The following AP3S2 variants were observed in gnomAD, a reference collection of about 807,000 sequenced individuals.
The protein encoded by AP3S2 is AP-3 complex subunit sigma-2.
In AP3S2, 22 loss-of-function variants were observed where a neutral mutation model predicts 23.4. The ratio of observed to expected loss-of-function variants is 0.94; its 90% CI spans 0.67 to 1.34. The LOEUF (loss-of-function observed/expected upper bound fraction) is 1.34. Among genes scored for constraint, AP3S2 ranks in the 40% most tolerant of loss-of-function variants. AP3S2 has a pLI of 0.00. For synonymous variants in AP3S2, 86 were observed against 87.1 expected (o/e 0.99, Z 0.07); for missense variants, 241 against 236.9 (o/e 1.02, Z -0.11).
intron 4 of AP3S2, among the ~76,000 whole-genome samples, chr15:89,855,339 A>G (rs1895801055): frequency 9.6e-6 from 1 of 104,342 alleles, no homozygotes; most frequent in African/African-American, 3.7e-5. Flanking sequence ...CATGCGCGTT[A>G]AGAGTCATCA....
chr15:89,870,953 T>G (rs989897978), intron 4 of AP3S2, among the ~76,000 whole-genome samples: 3 of 152,238 alleles, frequency 2.0e-5, no homozygotes, highest in African/African-American at 7.2e-5. Context: ...GAACACCTAC[T>G]TGGGGCCATT....
intron 3 of AP3S2, chr15:89,878,231 AC>A (rs1219656379): frequency 9.4e-6 from 6 of 639,830 alleles, no homozygotes; most frequent in African/African-American, 5.6e-5. Flanking sequence ...GAAAAAAAAA[AC>A]AACAGCAAAA....
intron 4 of AP3S2, among the ~76,000 whole-genome samples, chr15:89,858,607 A>G (rs1596200825): frequency 6.6e-6 from 1 of 152,242 alleles, no homozygotes; most frequent in Admixed American, 6.5e-5. Context: ...CTCTTCTGCA[A>G]TATAAGGAAT....
chr15:89,862,116 G>A (rs770931857), intron 4 of AP3S2, among the ~76,000 whole-genome samples: 2 of 152,126 alleles, frequency 1.3e-5, no homozygotes, highest in African/African-American at 4.8e-5. Flanking sequence ...GCTAGTCTAA[G>A]AAGTACATTA....
Position 89,889,863 on chromosome 15 carries a change from CAAAAAAAAAAAAAAAAAA to C in AP3S2, c.70-741_70-724del, listed in dbSNP as rs940624860. ...TGGGCGACAGAGTGAGACTCCATCTCAAAAAAAAAAAAAAAAAAAAAAAAAGGTCAAGAAGTAATCATG... is the reference window on the plus strand; with the variant it reads ...TGGGCGACAGAGTGAGACTCCATCTCAAAAAAAGGTCAAGAAGTAATCATG... On this transcript the variant is annotated intron_variant, in intron 1 of 5. Transcript: ENST00000336418. Among the ~76,000 whole-genome samples, 3 of 19,264 alleles carry C rather than the reference CAAAAAAAAAAAAAAAAAA, an allele frequency of 1.6e-4. No homozygotes were observed. The South Asian group carries it at 9.3e-3, about 59-fold the overall frequency. 12.6% of individuals were successfully genotyped at this position (19,264 alleles called of 152,430 possible).
At chr15:89,855,782 A>G (rs1009973615) in intron 4 of AP3S2, among the ~76,000 whole-genome samples, 20 of 145,618 alleles carry the variant, frequency 1.4e-4, no homozygotes, top group African/African-American at 4.8e-4. Context: ...CCCAGGAGGC[A>G]GAGGTTGTTG....
At chr15:89,893,732 G>A in intron 1 of AP3S2, 149 bp downstream of exon 1, 1 of 726,206 alleles carries the variant, frequency 1.4e-6, no homozygotes, top group Non-Finnish European at 2.2e-6. Context: ...CCTGCGCCTA[G>A]ATTAAATGCT....
chr15:89,858,253 C>T (rs1895887859), intron 4 of AP3S2, among the ~76,000 whole-genome samples: 1 of 151,760 alleles, frequency 6.6e-6, no homozygotes, highest in South Asian at 2.1e-4. Flanking sequence ...GCCTGATCAA[C>T]ATAGAGAAAC....
chr15:89,884,337 C>A (rs1295898743), intron 3 of AP3S2, among the ~76,000 whole-genome samples: 1 of 151,722 alleles, frequency 6.6e-6, no homozygotes, highest in Non-Finnish European at 1.5e-5. Context: ...TATAATTCTT[C>A]TATTTAATAG....
At chr15:89,846,804 G>A (rs1331446159) in intron 4 of AP3S2, among the ~76,000 whole-genome samples, 2 of 152,128 alleles carry the variant, frequency 1.3e-5, no homozygotes, top group Non-Finnish European at 2.9e-5. Flanking sequence ...GGGATTACAG[G>A]TATGAGCAAC....
chr15:89,840,616 C>A (rs1016936911), intron 4 of AP3S2, among the ~76,000 whole-genome samples: 2 of 152,048 alleles, frequency 1.3e-5, no homozygotes, highest in Non-Finnish European at 2.9e-5. Context: ...TTAGTAGAGT[C>A]GGGGTTTCCT....
intron 4 of AP3S2, among the ~76,000 whole-genome samples, chr15:89,868,537 C>T (rs1192370284): frequency 8.0e-6 from 1 of 124,750 alleles, no homozygotes; most frequent in Non-Finnish European, 1.7e-5. Flanking sequence ...GCCCCCCGCC[C>T]GGCCAGCCGC....
Position 89,832,435 on chromosome 15 carries a change from C to A in AP3S2, c.*3080G>T, listed in dbSNP as rs1029139109. 7 of 151,790 alleles carry A rather than the reference C, an allele frequency of 4.6e-5. No individual in the cohort carries two copies. The highest frequency in any genetic ancestry group is 2.1e-4 in the South Asian group (1 of 4,808). 9.4% of individuals were successfully genotyped at this position (151,790 alleles called of 1,614,324 possible). A position where few individuals can be genotyped will look rare whatever the true frequency, so the allele number is the denominator to read the frequency against. On this transcript the variant is annotated 3_prime_UTR_variant, in exon 6 of 6. Transcript: ENST00000336418. ...CTCCAGCCTGAGCCACAGTGTGAGA[C>A]CCCCATCTCACAAAAAAAGGAAAGC...
intron 4 of AP3S2, among the ~76,000 whole-genome samples, chr15:89,864,739 A>C (rs1896079517): frequency 6.6e-6 from 1 of 152,080 alleles, no homozygotes; most frequent in South Asian, 2.1e-4. Flanking sequence ...ACAAGGTTTC[A>C]CCATGTTGTC....
intron 1 of AP3S2, among the ~76,000 whole-genome samples, chr15:89,890,790 TA>T (rs1896801967): frequency 6.6e-6 from 1 of 152,172 alleles, no homozygotes; most frequent in Non-Finnish European, 1.5e-5. Flanking sequence ...AATGGTTATT[TA>T]AAAGAAACAG....
At chr15:89,836,509 C>G (rs1261819448) in intron 5 of AP3S2, among the ~76,000 whole-genome samples, 1 of 152,108 alleles carries the variant, frequency 6.6e-6, no homozygotes, top group African/African-American at 2.4e-5. Context: ...TGGCAACAAG[C>G]TGGGAGAAGG....
intron 3 of AP3S2, among the ~76,000 whole-genome samples, chr15:89,874,222 T>C (rs372315143): frequency 3.3e-5 from 5 of 152,050 alleles, no homozygotes; most frequent in Non-Finnish European, 5.9e-5. Flanking sequence ...TTCTTCTATG[T>C]TAGAGGTTTT....
chr15:89,846,196 G>C (rs1895483175), intron 4 of AP3S2, among the ~76,000 whole-genome samples: 2 of 152,194 alleles, frequency 1.3e-5, no homozygotes, highest in South Asian at 4.1e-4. Flanking sequence ...GAAAGTCGGT[G>C]TTTTTAGCTC....
chr15:89,854,676 GC>G (rs1895769340), intron 4 of AP3S2, among the ~76,000 whole-genome samples: 1 of 26,858 alleles, frequency 3.7e-5, no homozygotes, highest in Non-Finnish European at 8.0e-5. Context: ...TGCCCGGCCA[GC>G]CGCCCCGTCC....
Sources: gnomAD v4.1 joint callset for allele counts (sites outside exome capture counted in the v4.1 genomes callset) on GRCh38, gnomAD v4.1.1 for gene constraint, MANE v1.5 for transcripts, NCBI Gene and HGNC (gene_info 2026-07-23, HGNC 2026-07-21) for gene names.